Variants in FLRT2 observed in about 807,000 individuals in gnomAD.
FLRT2 encodes leucine-rich repeat transmembrane protein FLRT2.
In FLRT2, 15 loss-of-function variants were observed where a neutral mutation model predicts 40.0. The observed-to-expected ratio is 0.38, with a 90% CI of 0.25 to 0.58. The LOEUF is 0.58. Among genes scored for constraint, FLRT2 ranks in the 20% least tolerant of loss-of-function variants. The pLI, the probability that FLRT2 is intolerant of heterozygous loss-of-function variation, is 0.71. For missense variants in FLRT2, 726 were observed against 840.0 expected (o/e 0.86, Z 1.68); for synonymous variants, 380 against 336.8 (o/e 1.13, Z -1.41).
rs921316194 is a variant in FLRT2 at position 85,650,417 on chromosome 14, C to T, written c.*26920C>T. On this transcript the variant is annotated 3_prime_UTR_variant, in exon 2 of 2. Transcript: ENST00000330753. ...TACATTTTTTAGTATCATAAACTAT[C>T]CTTCAATGAACACTCTTTTAATGTC... 2.0e-5 allele frequency: 3 copies of T among 151,872 alleles called. No individual in the cohort carries two copies. Among genetic ancestry groups the T allele is most frequent in the African/African-American group, 7.3e-5 (3 of 41,376 alleles). 9.4% of individuals were successfully genotyped at this position (151,872 alleles called of 1,614,324 possible).
rs1893920572 is a variant in FLRT2, at chr14:85,633,050, C to T, written c.*9553C>T. The T allele has an allele frequency of 2.6e-5, 4 of 152,116 alleles. No individual in the cohort carries two copies. The highest frequency in any genetic ancestry group is 2.6e-4 in the Admixed American group (4 of 15,272). 9.4% of individuals were successfully genotyped at this position (152,116 alleles called of 1,614,324 possible). A position where few individuals can be genotyped will look rare whatever the true frequency, so the allele number is the denominator to read the frequency against. On this transcript the variant is annotated 3_prime_UTR_variant, in exon 2 of 2. Coordinates refer to ENST00000330753, the MANE Select transcript of FLRT2 (RefSeq NM_013231.6). ...TTTTCATGCAGATGTAATTCACAAGCACATGGTGACAAATTGCCAGCTTTT... is the reference window on the plus strand; with the variant it reads ...TTTTCATGCAGATGTAATTCACAAGTACATGGTGACAAATTGCCAGCTTTT...
rs180930784 is a variant in FLRT2, at chr14:85,649,770, T to A, written c.*26273T>A. 1.5e-3 allele frequency: 224 copies of A among 152,232 alleles called. No individual in the cohort carries two copies. Among genetic ancestry groups the A allele is most frequent in the African/African-American group, 5.1e-3 (214 of 41,574 alleles). The allele number at this position is 152,232 out of a possible 1,614,324, so 9.4% of individuals were successfully genotyped here. A position where few individuals can be genotyped will look rare whatever the true frequency, so the allele number is the denominator to read the frequency against. ...TCTTCTTTTTTCTTTACCTGAGTTGTATCAACAGTTTCAAAGGAGAGAGAG... is the reference window on the plus strand; with the variant it reads ...TCTTCTTTTTTCTTTACCTGAGTTGAATCAACAGTTTCAAAGGAGAGAGAG... On this transcript the variant is annotated 3_prime_UTR_variant, in exon 2 of 2. Coordinates refer to ENST00000330753, the MANE Select transcript of FLRT2 (RefSeq NM_013231.6).
chr14:85,549,418 T>C (rs1265392181), intron 1 of FLRT2, among the ~76,000 whole-genome samples: 1 of 152,208 alleles, frequency 6.6e-6, no homozygotes, highest in Non-Finnish European at 1.5e-5. Context: ...TGTGCTACCC[T>C]GCCCATGAGG....
chr14:85,539,951 T>C (rs890671912), intron 1 of FLRT2, among the ~76,000 whole-genome samples: 1 of 152,206 alleles, frequency 6.6e-6, no homozygotes, highest in Non-Finnish European at 1.5e-5. Context: ...TCTCCTTTTC[T>C]GAGTTTGCGC....
intron 1 of FLRT2, among the ~76,000 whole-genome samples, chr14:85,563,694 T>C (rs938499849): frequency 2.6e-5 from 4 of 152,136 alleles, no homozygotes; most frequent in Non-Finnish European, 5.9e-5. Flanking sequence ...ATGTGGGGAT[T>C]ACAATTCAAC....
intron 1 of FLRT2, among the ~76,000 whole-genome samples, chr14:85,614,266 C>G (rs1893022716): frequency 6.6e-6 from 1 of 152,136 alleles, no homozygotes; most frequent in African/African-American, 2.4e-5. Flanking sequence ...TTCTACCTCT[C>G]TTAAACCAGT....
chr14:85,620,105 C>A (rs1566760393), intron 1 of FLRT2, among the ~76,000 whole-genome samples: 2 of 152,010 alleles, frequency 1.3e-5, no homozygotes, highest in Non-Finnish European at 2.9e-5. Context: ...TCCTCGGTGA[C>A]TTGAGGTGCA....
chr14:85,634,367 T>C lies in FLRT2; in HGVS notation c.*10870T>C, dbSNP rs563696622. On this transcript the variant is annotated 3_prime_UTR_variant, in exon 2 of 2. Transcript: ENST00000330753. The stretch of plus-strand genomic sequence containing the variant: ...TCTATTCTGTTTGGACTAGTGTCTG[T>C]TTTGACTGGTAGGCCTCAGCTATCC... 6.6e-6 allele frequency: 1 copy of C among 152,324 alleles called. No individual in the cohort carries two copies. Among genetic ancestry groups the C allele is most frequent in the South Asian group, 2.1e-4 (1 of 4,826 alleles). 9.4% of individuals were successfully genotyped at this position (152,324 alleles called of 1,614,324 possible). A position where few individuals can be genotyped will look rare whatever the true frequency, so the allele number is the denominator to read the frequency against.
rs1893938798 is a variant in FLRT2 at position 85,633,775 on chromosome 14, A to G, written c.*10278A>G. ...TGATTGTGCCACTGCACTCCAGCTT[A>G]GGCAACTGAGCAAGACCCTGTCTCA... On this transcript the variant is annotated 3_prime_UTR_variant, in exon 2 of 2. Transcript: ENST00000330753. 6.6e-6 allele frequency: 1 copy of G among 150,736 alleles called. No individual in the cohort carries two copies. The highest frequency in any genetic ancestry group is 1.5e-5 in the Non-Finnish European group (1 of 67,794). 9.3% of individuals were successfully genotyped at this position (150,736 alleles called of 1,614,324 possible). A position where few individuals can be genotyped will look rare whatever the true frequency, so the allele number is the denominator to read the frequency against.
intron 1 of FLRT2, among the ~76,000 whole-genome samples, chr14:85,598,879 TA>T (rs1892253971): frequency 6.6e-6 from 1 of 151,760 alleles, no homozygotes; most frequent in Non-Finnish European, 1.5e-5. Flanking sequence ...TTATTTTATA[TA>T]GCTATACATT....
At chr14:85,589,200 A>G (rs1566742712) in intron 1 of FLRT2, among the ~76,000 whole-genome samples, 1 of 152,214 alleles carries the variant, frequency 6.6e-6, no homozygotes, top group Non-Finnish European at 1.5e-5. Flanking sequence ...TGTTCTCCAC[A>G]GTGGTTATGC....
rs1893529101 is a variant in FLRT2, at chr14:85,623,529, A to C, written c.*32A>C. ...GAGGCCCAGCGTTATCAAGGCGGAC[A>C]ATTAGACTCTTGAGAACACACTCGT... On this transcript the variant is annotated 3_prime_UTR_variant, in exon 2 of 2. Coordinates refer to ENST00000330753, the MANE Select transcript of FLRT2 (RefSeq NM_013231.6). 2 of 1,409,314 alleles carry C rather than the reference A, an allele frequency of 1.4e-6. No individual in the cohort carries two copies. Among genetic ancestry groups the C allele is most frequent in the Admixed American group, 5.4e-5 (2 of 36,860 alleles). The allele number at this position is 1,409,314 out of a possible 1,614,324, so 87.3% of individuals were successfully genotyped here. A position where few individuals can be genotyped will look rare whatever the true frequency, so the allele number is the denominator to read the frequency against.
At chr14:85,533,418 C>G (rs866557881) in intron 1 of FLRT2, among the ~76,000 whole-genome samples, 2 of 152,026 alleles carry the variant, frequency 1.3e-5, no homozygotes, top group South Asian at 4.1e-4. Flanking sequence ...GCCCTGCGCC[C>G]GCCCCCGCGC....
chr14:85,597,639 G>A (rs549914644), intron 1 of FLRT2, among the ~76,000 whole-genome samples: 132 of 152,156 alleles, frequency 8.7e-4, no homozygotes, highest in Non-Finnish European at 1.5e-3. Context: ...TCACTGCAAC[G>A]TCTGCCTCCC....
intron 1 of FLRT2, among the ~76,000 whole-genome samples, chr14:85,543,540 T>A (rs1200810673): frequency 2.7e-5 from 4 of 147,196 alleles, no homozygotes; most frequent in East Asian, 2.0e-4. Context: ...AAAAAAAAAA[T>A]AAAGAAATCA....
At position 85,634,679 on chromosome 14, in the gene FLRT2, T is replaced by A. The variant is rs1893960750; in HGVS notation, c.*11182T>A. The A allele has an allele frequency of 6.6e-6, 1 of 152,168 alleles. No individual in the cohort carries two copies. The highest frequency in any genetic ancestry group is 1.5e-5 in the Non-Finnish European group (1 of 68,028). The allele number at this position is 152,168 out of a possible 1,614,324, so 9.4% of individuals were successfully genotyped here. A position where few individuals can be genotyped will look rare whatever the true frequency, so the allele number is the denominator to read the frequency against. The stretch of plus-strand genomic sequence containing the variant: ...GCATGTATATGCTTCAATTTTCTCA[T>A]CTGTACATGGGTTAATAACAACACT... On this transcript the variant is annotated 3_prime_UTR_variant, in exon 2 of 2. Transcript: ENST00000330753.
chr14:85,606,390 G>A (rs552502180), intron 1 of FLRT2, among the ~76,000 whole-genome samples: 2 of 152,156 alleles, frequency 1.3e-5, no homozygotes, highest in African/African-American at 4.8e-5. Flanking sequence ...AACACTTGAC[G>A]TCCCAGTTTC....
Position 85,622,178 on chromosome 14 carries a change from G to T in FLRT2, c.664G>T (p.Ala222Ser). ...DGNLLTNKGIAEGTFSHLTKL... is the reference protein window; with the variant it reads ...DGNLLTNKGISEGTFSHLTKL... ...GAACCTCCTGACCAACAAGGGTATC[G>T]CCGAGGGCACCTTCAGCCATCTCAC... The change falls in exon 2 of 2, where the codon GCC becomes TCC. Residue 222 changes from alanine to serine, a missense_variant. Transcript: ENST00000330753. The T allele has an allele frequency of 6.2e-7, 1 of 1,614,070 alleles. No homozygotes were observed. Among genetic ancestry groups the T allele is most frequent in the African/African-American group, 1.3e-5 (1 of 74,996 alleles).
In FLRT2 at chr14:85,623,237, C is replaced by A; in HGVS notation, c.1723C>A (p.Gln575Lys). ...HMHKKGRYTSQKWKYNRGRRK... is the reference protein window; with the variant it reads ...HMHKKGRYTSKKWKYNRGRRK... ...GCACAAAAAGGGGCGCTACACCTCC[C>A]AGAAGTGGAAATACAACCGGGGCCG... The change falls in exon 2 of 2, where the codon CAG becomes AAG. Residue 575 changes from glutamine (Q) to lysine (K), a missense_variant. Physicochemically the swap from Gln to Lys is moderately conservative, Grantham distance 53. Coordinates refer to ENST00000330753, the MANE Select transcript of FLRT2 (RefSeq NM_013231.6). 6.6e-7 allele frequency: 1 copy of A among 1,521,170 alleles called. No individual in the cohort carries two copies. Among genetic ancestry groups the A allele is most frequent in the South Asian group, 1.3e-5 (1 of 75,512 alleles). 94.2% of individuals were successfully genotyped at this position (1,521,170 alleles called of 1,614,324 possible). A position where few individuals can be genotyped will look rare whatever the true frequency, so the allele number is the denominator to read the frequency against.
Sources: gnomAD v4.1 joint callset for allele counts (sites outside exome capture counted in the v4.1 genomes callset) on GRCh38, gnomAD v4.1.1 for gene constraint, MANE v1.5 for transcripts, NCBI Gene and HGNC (gene_info 2026-07-23, HGNC 2026-07-21) for gene names.